The following DCBLD2 variants were observed in gnomAD, a reference collection of about 807,000 sequenced individuals.
DCBLD2 encodes the protein discoidin, CUB and LCCL domain containing 2, also known as discoidin, CUB and LCCL domain-containing protein 2.
A neutral mutation model predicts 86.8 loss-of-function variants in DCBLD2; 54 were observed. That is an observed-to-expected ratio of 0.62 (90% CI 0.50 to 0.78). The LOEUF is 0.78. DCBLD2 is among the 30% of genes least tolerant of loss of function. DCBLD2 has a pLI of 0.00. For synonymous variants in DCBLD2, 354 were observed against 341.3 expected, an observed-to-expected ratio of 1.04 and a Z score of -0.41; for missense variants, 908 against 954.2, an observed-to-expected ratio of 0.95 and a Z score of 0.64.
In DCBLD2 at chr3:98,800,716, C is replaced by T. The variant is rs1263801169; in HGVS notation, c.1721G>A (p.Gly574Asp). 1.2e-6 allele frequency: 2 copies of T among 1,613,780 alleles called. No individual in the cohort carries two copies. Among genetic ancestry groups the T allele is most frequent in the Non-Finnish European group, 1.7e-6 (2 of 1,179,858 alleles). ...AAACTGCTTCATTCCTTTCCACCAA[C>T]CTTCATTGTGACGGCAAGCCAAAGA... Reference protein sequence around the residue: ...TYDLPYWDRAGWWKGMKQFLP... With the variant: ...TYDLPYWDRADWWKGMKQFLP... Residue 574 changes from glycine (G) to aspartate (D), a missense_variant and splice_region_variant, in exon 15 of 16, where the codon GGT (glycine) becomes GAT (aspartate). By Grantham distance (94) the Gly-to-Asp change is moderately conservative. This residue lies in a region of DCBLD2 where 606 missense variants were observed against 678.5 expected (regional missense o/e 0.89). Transcript: ENST00000326840.
chr3:98,881,891 AT>A lies in DCBLD2; in HGVS notation c.206-125del. Reference sequence around the variant, plus strand: ...ATATTTTATACCACCCATACTTTCTATTTTATTTTTTTTAATGGACAAATAA... The same window carrying A: ...ATATTTTATACCACCCATACTTTCTATTTATTTTTTTTAATGGACAAATAA... On this transcript the variant is annotated intron_variant, in intron 1 of 15. Transcript: ENST00000326840. 5 of 972,190 alleles carry A rather than the reference AT, an allele frequency of 5.1e-6. No homozygotes were observed. The South Asian group carries it at 5.3e-5, about 10-fold the overall frequency. 60.2% of individuals were successfully genotyped at this position (972,190 alleles called of 1,614,324 possible).
chr3:98,887,023 C>A (rs1331120739), intron 1 of DCBLD2, among the ~76,000 whole-genome samples: 1 of 151,784 alleles, frequency 6.6e-6, no homozygotes, highest in African/African-American at 2.4e-5. Flanking sequence ...CATATCACTA[C>A]TGATAAATTG....
chr3:98,896,287 C>T (rs998850274), intron 1 of DCBLD2, among the ~76,000 whole-genome samples: 2 of 152,114 alleles, frequency 1.3e-5, no homozygotes, highest in African/African-American at 4.8e-5. Context: ...ACTAATTTAA[C>T]CCAAATAATG....
chr3:98,801,399 G>T, intron 14 of DCBLD2: 1 of 455,696 alleles, frequency 2.2e-6, no homozygotes, highest in Non-Finnish European at 3.9e-6. Context: ...TAAGAAATTT[G>T]TACTTTTCAT....
intron 13 of DCBLD2, among the ~76,000 whole-genome samples, chr3:98,806,042 C>G (rs1280259790): frequency 6.6e-6 from 1 of 152,134 alleles, no homozygotes; most frequent in Non-Finnish European, 1.5e-5. Context: ...TATGTTGTGT[C>G]TCATTTTCTC....
intron 3 of DCBLD2, among the ~76,000 whole-genome samples, chr3:98,844,321 T>C (rs1258844399): frequency 6.9e-6 from 1 of 144,036 alleles, no homozygotes. Context: ...AATCTACTTT[T>C]CAGAATAAAA....
intron 12 of DCBLD2, among the ~76,000 whole-genome samples, chr3:98,809,502 A>C (rs925918374): frequency 6.6e-6 from 1 of 152,096 alleles, no homozygotes; most frequent in Non-Finnish European, 1.5e-5. Context: ...CCCCCTTTTC[A>C]CTGCAGTGAA....
At chr3:98,865,671 T>C (rs182455689) in intron 2 of DCBLD2, among the ~76,000 whole-genome samples, 1 of 152,286 alleles carries the variant, frequency 6.6e-6, no homozygotes, top group East Asian at 1.9e-4. Context: ...TATACACATA[T>C]GAAAACATAA....
chr3:98,886,973 C>T (rs982226607), intron 1 of DCBLD2, among the ~76,000 whole-genome samples: 7 of 151,852 alleles, frequency 4.6e-5, no homozygotes, highest in Non-Finnish European at 1.0e-4. Context: ...GCTTGTGATG[C>T]TGATTCCATA....
rs763533855 is a variant in DCBLD2 at position 98,819,228 on chromosome 3, T to C, written c.1061A>G (p.Asp354Gly). ...ATDEYQWLQI[D>G]LNKEKKITGI... ...TGTTATTTTCTTTTCCTTATTCAAA[T>C]CTATTTGTAACCACTGGTATTCATC... is the stretch of plus-strand genomic sequence containing the variant. The change falls in exon 8 of 16, where the codon GAT becomes GGT. Residue 354 changes from aspartate to glycine, a missense_variant. By Grantham distance (94) the Asp-to-Gly change is moderately conservative (BLOSUM62 -1). Coordinates refer to ENST00000326840, the MANE Select transcript of DCBLD2 (RefSeq NM_080927.4). 6.3e-7 allele frequency: 1 copy of C among 1,588,920 alleles called. No homozygotes were observed. The highest frequency in any genetic ancestry group is 2.3e-5 in the East Asian group (1 of 44,286).
chr3:98,804,128 C>A (rs1244953433), intron 13 of DCBLD2, among the ~76,000 whole-genome samples: 1 of 152,224 alleles, frequency 6.6e-6, no homozygotes, highest in Non-Finnish European at 1.5e-5. Flanking sequence ...ATGGTACCAG[C>A]TCCTCCTTGT....
intron 12 of DCBLD2, 110 bp downstream of exon 12, chr3:98,811,084 A>C (rs1356348396): frequency 6.9e-6 from 9 of 1,298,420 alleles, no homozygotes; most frequent in Non-Finnish European, 8.2e-6. Flanking sequence ...GCTATACTTA[A>C]AAACTATAGT....
At chr3:98,853,802 C>T (rs1344153963) in intron 2 of DCBLD2, among the ~76,000 whole-genome samples, 1 of 152,196 alleles carries the variant, frequency 6.6e-6, no homozygotes, top group African/African-American at 2.4e-5. Context: ...GCTCATTCAA[C>T]TTCCTGAGGT....
chr3:98,844,062 A>ACACACACACACACC (rs1459005169), intron 3 of DCBLD2, among the ~76,000 whole-genome samples: 211 of 144,112 alleles, frequency 1.5e-3, no homozygotes, highest in African/African-American at 4.5e-3. Context: ...ACACACACAC[A>ACACACACACACACC]CCCCAATTAT....
At chr3:98,837,994 C>T (rs369436984) in intron 3 of DCBLD2, among the ~76,000 whole-genome samples, 12 of 64,016 alleles carry the variant, frequency 1.9e-4, no homozygotes, top group East Asian at 5.6e-4. Context: ...TAGGGGCGGC[C>T]GGGCAGAGGC....
chr3:98,852,391 C>T (rs1029801673), intron 2 of DCBLD2, among the ~76,000 whole-genome samples: 7 of 152,034 alleles, frequency 4.6e-5, no homozygotes, highest in East Asian at 1.9e-4. Context: ...GGATTACAGG[C>T]GCACACCAAC....
intron 1 of DCBLD2, among the ~76,000 whole-genome samples, chr3:98,885,823 C>A (rs1943552260): frequency 6.6e-6 from 1 of 151,386 alleles, no homozygotes. Context: ...CCCACAGAAG[C>A]AATTTTACCT....
chr3:98,887,328 G>A (rs1297478189), intron 1 of DCBLD2, among the ~76,000 whole-genome samples: 2 of 151,976 alleles, frequency 1.3e-5, no homozygotes, highest in Admixed American at 6.6e-5. Context: ...AGAAGAGTAA[G>A]TTGCAACTGT....
At position 98,798,627 on chromosome 3, in the gene DCBLD2, G is replaced by A. The variant is rs976402679; in HGVS notation, c.*745C>T. The A allele has an allele frequency of 1.3e-5, 2 of 152,152 alleles. No homozygotes were observed. The highest frequency in any genetic ancestry group is 2.4e-5 in the African/African-American group (1 of 41,438). The allele number at this position is 152,152 out of a possible 1,614,324, so 9.4% of individuals were successfully genotyped here. A position where few individuals can be genotyped will look rare whatever the true frequency, so the allele number is the denominator to read the frequency against. On this transcript the variant is annotated 3_prime_UTR_variant, in exon 16 of 16. Coordinates refer to ENST00000326840, the MANE Select transcript of DCBLD2 (RefSeq NM_080927.4). ...AGGACATGAAGGGATCTGAATTCAT[G>A]AGACTAAGGCAAGCATCACTCATCA...
Sources: allele counts gnomAD v4.1 joint callset (sites outside exome capture counted in the v4.1 genomes callset), GRCh38; gene constraint gnomAD v4.1.1; regional missense constraint gnomAD v4.1.1; transcripts MANE v1.5; gene names NCBI Gene and HGNC (gene_info 2026-07-23, HGNC 2026-07-21).